MICU2: variants seen among roughly 807,000 people sequenced by gnomAD.
The protein encoded by MICU2 is calcium uptake protein 2, mitochondrial.
In MICU2, 64 loss-of-function variants were observed where a neutral mutation model predicts 60.4. That is an observed-to-expected ratio of 1.06 (90% CI 0.87 to 1.31). The LOEUF (loss-of-function observed/expected upper bound fraction) is 1.31. Ranked by LOEUF, MICU2 falls within the 50% of genes most tolerant of loss-of-function variation. The pLI, the probability that MICU2 is intolerant of heterozygous loss-of-function variation, is 0.00. For synonymous variants in MICU2, 201 were observed against 175.0 expected (o/e 1.15, Z -1.17); for missense variants, 569 against 531.0 (o/e 1.07, Z -0.70).
intron 4 of MICU2, among the ~76,000 whole-genome samples, chr13:21,525,703 C>G (rs2138172585): frequency 6.6e-6 from 1 of 151,840 alleles, no homozygotes; most frequent in East Asian, 1.9e-4. Context: ...ATGTGCTTTT[C>G]ATGTGTATAT....
rs547169170 is a variant in MICU2, at chr13:21,572,809, T to C, written c.211-5865A>G. Among the ~76,000 whole-genome samples the C allele has an allele frequency of 7.9e-5, 12 of 152,296 alleles. No individual in the cohort carries two copies. In the South Asian group the frequency reaches 2.5e-3, roughly 32 times the overall value. The stretch of plus-strand genomic sequence containing the variant: ...AGCTGCAATTGCCTGGACCAATCGA[T>C]GTTATTACAACCAATCAACAGGCCC... On this transcript the variant is annotated intron_variant, in intron 1 of 11. Transcript: ENST00000382374.
At chr13:21,575,729 CAAAAAAAA>C (rs10557584) in intron 1 of MICU2, among the ~76,000 whole-genome samples, 1 of 48,058 alleles carries the variant, frequency 2.1e-5, no homozygotes. Flanking sequence ...GACTCTGTCT[CAAAAAAAA>C]AAAAAAAAAA....
At chr13:21,513,061 G>A (rs1452670007) in intron 7 of MICU2, among the ~76,000 whole-genome samples, 2 of 151,772 alleles carry the variant, frequency 1.3e-5, no homozygotes, top group Non-Finnish European at 2.9e-5. Flanking sequence ...ACTGATTTTT[G>A]TACATTTTTC....
intron 8 of MICU2, among the ~76,000 whole-genome samples, chr13:21,504,054 T>C (rs1886239784): frequency 6.6e-6 from 1 of 152,186 alleles, no homozygotes; most frequent in African/African-American, 2.4e-5. Flanking sequence ...TCTGTCTACA[T>C]GGTAGGCAAG....
At chr13:21,586,642 C>T (rs754336052) in intron 1 of MICU2, among the ~76,000 whole-genome samples, 1 of 152,058 alleles carries the variant, frequency 6.6e-6, no homozygotes, top group Non-Finnish European at 1.5e-5. Context: ...AAACTCCTGG[C>T]CTCAAGTAAT....
chr13:21,577,053 TGAC>T (rs1566166833), intron 1 of MICU2, among the ~76,000 whole-genome samples: 1 of 152,216 alleles, frequency 6.6e-6, no homozygotes. Context: ...AAAATTCCAT[TGAC>T]ATTATTTCTG....
chr13:21,599,603 T>C (rs1033834648), intron 1 of MICU2, among the ~76,000 whole-genome samples: 4 of 152,366 alleles, frequency 2.6e-5, no homozygotes, highest in East Asian at 1.9e-4. Flanking sequence ...ACACCATACA[T>C]AGACTTGCAA....
intron 1 of MICU2, among the ~76,000 whole-genome samples, chr13:21,576,078 T>A (rs1888221500): frequency 6.6e-6 from 1 of 152,204 alleles, no homozygotes; most frequent in Non-Finnish European, 1.5e-5. Flanking sequence ...CAACAAACAT[T>A]TAGCAAATGT....
At chr13:21,500,442 T>G (rs1005172758) in intron 9 of MICU2, among the ~76,000 whole-genome samples, 2 of 147,274 alleles carry the variant, frequency 1.4e-5, no homozygotes, top group African/African-American at 5.3e-5. Context: ...TTTTTTTTTT[T>G]TTTTTTGAGA....
intron 1 of MICU2, among the ~76,000 whole-genome samples, chr13:21,583,240 G>T (rs1273201049): frequency 6.6e-6 from 1 of 152,110 alleles, no homozygotes; most frequent in Non-Finnish European, 1.5e-5. Flanking sequence ...CAGAGACCTT[G>T]TCTATATAAG....
chr13:21,517,809 G>A (rs967548625), intron 6 of MICU2, among the ~76,000 whole-genome samples: 13 of 150,076 alleles, frequency 8.7e-5, no homozygotes, highest in East Asian at 1.9e-4. Flanking sequence ...ACGCGCGCGC[G>A]CGCGCACACG....
chr13:21,598,541 C>G (rs1227532322), intron 1 of MICU2, among the ~76,000 whole-genome samples: 1 of 152,056 alleles, frequency 6.6e-6, no homozygotes, highest in Admixed American at 6.5e-5. Context: ...TATGGTGAAA[C>G]CCCGTCTCTA....
At chr13:21,530,009 A>C (rs753947956) in intron 4 of MICU2, among the ~76,000 whole-genome samples, 1 of 152,210 alleles carries the variant, frequency 6.6e-6, no homozygotes, top group Non-Finnish European at 1.5e-5. Context: ...ATGAATGGTG[A>C]GAGAGCAGAT....
chr13:21,537,333 A>G (rs936406026), intron 4 of MICU2, among the ~76,000 whole-genome samples: 1 of 152,110 alleles, frequency 6.6e-6, no homozygotes, highest in Non-Finnish European at 1.5e-5. Context: ...TTCATAATCT[A>G]TGTTCTCTTC....
intron 4 of MICU2, among the ~76,000 whole-genome samples, chr13:21,532,836 G>C (rs1887034810): frequency 6.6e-6 from 1 of 152,156 alleles, no homozygotes; most frequent in South Asian, 2.1e-4. Flanking sequence ...TGAGCTGAAT[G>C]AATGAATGAG....
chr13:21,552,870 T>C (rs190191528), intron 2 of MICU2, among the ~76,000 whole-genome samples: 1,547 of 152,330 alleles, frequency 0.01, 19 homozygotes, highest in Middle Eastern at 0.02. Context: ...GCGTGATGCC[T>C]CCAGCTTTGT....
intron 2 of MICU2, among the ~76,000 whole-genome samples, chr13:21,543,677 G>A (rs745668322): frequency 3.8e-4 from 58 of 151,986 alleles, no homozygotes; most frequent in Non-Finnish European, 7.2e-4. Context: ...GGATACAGAC[G>A]AATGGAAAAA....
In MICU2 at chr13:21,565,586, A is replaced by G. The variant is rs1388203705; in HGVS notation, c.358+1211T>C. On this transcript the variant is annotated intron_variant, in intron 2 of 11. Transcript: ENST00000382374. ...GGCAGGAGAATCGCTTGAACCCCAG[A>G]GGTAGAGGTTGCAGTGAGCCAAGAT... 2.6e-5 allele frequency among the ~76,000 whole-genome samples: 4 copies of G among 152,268 alleles called. 1 individual carries two copies. Among genetic ancestry groups the G allele is most frequent in the Admixed American group, 2.6e-4 (4 of 15,288 alleles).
At chr13:21,498,218 A>C (rs765543051) in intron 9 of MICU2, among the ~76,000 whole-genome samples, 1 of 152,172 alleles carries the variant, frequency 6.6e-6, no homozygotes, top group Non-Finnish European at 1.5e-5. Context: ...ATATTTCAAT[A>C]AAGTTTTTGA....
Sources: allele counts gnomAD v4.1 joint callset (sites outside exome capture counted in the v4.1 genomes callset), GRCh38; gene constraint gnomAD v4.1.1; transcripts MANE v1.5; gene names NCBI Gene and HGNC (gene_info 2026-07-23, HGNC 2026-07-21).